Variants in FAM133A observed in about 807,000 individuals in gnomAD.
FAM133A encodes protein FAM133A.
For synonymous variants in FAM133A, 65 were observed against 58.6 expected (o/e 1.11, Z -0.50); for missense variants, 159 against 164.4 (o/e 0.97, Z 0.18).
At chrX:93,690,938 T>G (rs1191254954) in intron 2 of FAM133A, among the ~76,000 whole-genome samples, 1 of 111,951 alleles carries the variant, frequency 8.9e-6, no homozygotes, top group Non-Finnish European at 1.9e-5. Context: ...TAGTAGTTTC[T>G]TGTTGGACTT....
rs1927316349 is a variant in FAM133A at position 93,709,952 on chromosome X, A to C, written c.533A>C (p.Lys178Thr). The change falls in exon 4 of 4, where the codon AAA becomes ACA. Residue 178 changes from lysine (K) to threonine (T), a missense_variant. Lys to Thr is a moderately conservative substitution (Grantham distance 78, BLOSUM62 -1). Transcript: ENST00000683942. ...EKEKDVRSLS[K>T]KRKKSYPDDK... ...GAAAAGGATGTAAGAAGCCTCAGCA[A>C]AAAAAGAAAGAAAAGTTACCCTGAT... 8.4e-7 allele frequency: 1 copy of C among 1,186,942 alleles called. No individual in the cohort carries two copies. The highest frequency in any genetic ancestry group is 1.8e-5 in the African/African-American group (1 of 55,361).
chrX:93,674,743 T>C lies in FAM133A; in HGVS notation c.-202T>C, dbSNP rs1924546893. On this transcript the variant is annotated 5_prime_UTR_variant, in exon 2 of 4. Coordinates refer to ENST00000683942, the MANE Select transcript of FAM133A (RefSeq NM_001171109.2). ...AATAAAAAAGACGAGTATTTACTTT[T>C]CATTGAAAGGTAAGGATCATATTTA... 8.9e-6 allele frequency: 1 copy of C among 111,954 alleles called. No individual in the cohort carries two copies. The highest frequency in any genetic ancestry group is 9.5e-5 in the Admixed American group (1 of 10,528). The allele number at this position is 111,954 out of a possible 1,213,427, so 9.2% of individuals were successfully genotyped here.
In FAM133A at chrX:93,711,993, T is replaced by C; in HGVS notation, c.*1827T>C. 8.1e-6 allele frequency: 1 copy of C among 123,355 alleles called. No individual in the cohort carries two copies. Among genetic ancestry groups the C allele is most frequent in the East Asian group, 2.8e-4 (1 of 3,543 alleles). 10.2% of individuals were successfully genotyped at this position (123,355 alleles called of 1,213,427 possible). A position where few individuals can be genotyped will look rare whatever the true frequency, so the allele number is the denominator to read the frequency against. ...CTCCTGTTCACTTCCAAACCTCTTG[T>C]AGTTAGGCAATGCCATTTGACTACT... On this transcript the variant is annotated 3_prime_UTR_variant, in exon 4 of 4. Coordinates refer to ENST00000683942, the MANE Select transcript of FAM133A (RefSeq NM_001171109.2).
chrX:93,691,056 C>T (rs774439279), intron 2 of FAM133A, among the ~76,000 whole-genome samples: 10 of 111,631 alleles, frequency 9.0e-5, no homozygotes, highest in Admixed American at 1.9e-4. Context: ...AAGAGTTTTT[C>T]AAATATTCTG....
At chrX:93,703,289 G>A (rs1164804795) in intron 3 of FAM133A, among the ~76,000 whole-genome samples, 1 of 111,936 alleles carries the variant, frequency 8.9e-6, no homozygotes, top group Non-Finnish European at 1.9e-5. Flanking sequence ...CTCTGCCACA[G>A]TTCAGAGGAG....
At chrX:93,703,525 T>C (rs985357529) in intron 3 of FAM133A, among the ~76,000 whole-genome samples, 3 of 112,192 alleles carry the variant, frequency 2.7e-5, no homozygotes, top group African/African-American at 9.7e-5. Flanking sequence ...CTGTACAGTA[T>C]TTGCAAATTT....
intron 3 of FAM133A, among the ~76,000 whole-genome samples, chrX:93,704,188 C>G (rs1470048410): frequency 1.8e-5 from 2 of 111,685 alleles, no homozygotes; most frequent in African/African-American, 3.2e-5. Context: ...CTTTATTTTT[C>G]ATTTGTCCTG....
In FAM133A at chrX:93,710,032, C is replaced by G. The variant is rs2147677642; in HGVS notation, c.613C>G (p.Gln205Glu). The G allele has an allele frequency of 8.3e-7, 1 of 1,203,638 alleles. No individual in the cohort carries two copies. The highest frequency in any genetic ancestry group is 3.0e-5 in the East Asian group (1 of 33,418). The stretch of plus-strand genomic sequence containing the variant: ...TGAATCAGATTATGAAGAGGATGTG[C>G]AAGCAAAAAAGAAGAGAAGGTGTGA... ...SSESDYEEDV[Q>E]AKKKRRCEER... Residue 205 changes from glutamine (Q) to glutamate (E), a missense_variant, in exon 4 of 4, where the codon CAA (glutamine) becomes GAA (glutamate). Coordinates refer to ENST00000683942, the MANE Select transcript of FAM133A (RefSeq NM_001171109.2).
chrX:93,686,240 G>C (rs1925522471), intron 2 of FAM133A, among the ~76,000 whole-genome samples: 1 of 109,619 alleles, frequency 9.1e-6, no homozygotes, highest in Non-Finnish European at 1.9e-5. Flanking sequence ...CATCAGTTTT[G>C]AAGATTTAAA....
chrX:93,707,472 T>C (rs113188831), intron 3 of FAM133A, among the ~76,000 whole-genome samples: 8,234 of 110,991 alleles, frequency 0.074, 706 homozygotes, highest in African/African-American at 0.24. Context: ...CTCTTCTATA[T>C]AAAAGACTTT....
intron 2 of FAM133A, among the ~76,000 whole-genome samples, chrX:93,693,464 C>T (rs982130181): frequency 2.7e-5 from 3 of 111,035 alleles, no homozygotes; most frequent in African/African-American, 9.8e-5. Flanking sequence ...ATCCTTGTGA[C>T]AGCATGATAA....
chrX:93,684,804 ATTGT>A (rs753409775), intron 2 of FAM133A, among the ~76,000 whole-genome samples: 2 of 112,152 alleles, frequency 1.8e-5, no homozygotes, highest in East Asian at 2.8e-4. Context: ...AATGAATAAC[ATTGT>A]TTGTTTAAAT....
At chrX:93,691,993 T>A (rs1206282835) in intron 2 of FAM133A, among the ~76,000 whole-genome samples, 1 of 111,290 alleles carries the variant, frequency 9.0e-6, no homozygotes, top group African/African-American at 3.3e-5. Flanking sequence ...GATGGAGGTA[T>A]GTTTTTGGTT....
At chrX:93,692,652 A>G (rs1186240185) in intron 2 of FAM133A, among the ~76,000 whole-genome samples, 2 of 111,472 alleles carry the variant, frequency 1.8e-5, no homozygotes, top group East Asian at 5.6e-4. Context: ...ATAAATCATC[A>G]TTGCTTCCCT....
intron 2 of FAM133A, among the ~76,000 whole-genome samples, chrX:93,677,593 C>A (rs1385897679): frequency 1.8e-5 from 2 of 111,782 alleles, no homozygotes; most frequent in Non-Finnish European, 3.8e-5. Flanking sequence ...TGAATCCCTC[C>A]TCTTGTCCCT....
In FAM133A at chrX:93,711,249, A is replaced by G. The variant is rs993276088; in HGVS notation, c.*1083A>G. ...GGTTACTGTACGCAAGTTGAGTGCC[A>G]GACCTCTAGTACGCCGTATGTTACA... On this transcript the variant is annotated 3_prime_UTR_variant, in exon 4 of 4. Transcript: ENST00000683942. 1 of 122,822 alleles carries G rather than the reference A, an allele frequency of 8.1e-6. No homozygotes were observed. The highest frequency in any genetic ancestry group is 3.3e-5 in the African/African-American group (1 of 30,723). The allele number at this position is 122,822 out of a possible 1,213,427, so 10.1% of individuals were successfully genotyped here. A position where few individuals can be genotyped will look rare whatever the true frequency, so the allele number is the denominator to read the frequency against.
chrX:93,699,651 G>A (rs911701342), intron 3 of FAM133A, among the ~76,000 whole-genome samples: 1 of 110,607 alleles, frequency 9.0e-6, no homozygotes, highest in Non-Finnish European at 1.9e-5. Context: ...CTATATACCC[G>A]CAATCTAGAG....
chrX:93,708,679 T>A (rs1927209565), intron 3 of FAM133A, among the ~76,000 whole-genome samples: 1 of 112,233 alleles, frequency 8.9e-6, no homozygotes, highest in African/African-American at 3.2e-5. Context: ...GATAATCCAT[T>A]GCAAACACTA....
At position 93,709,756 on chromosome X, in the gene FAM133A, T is replaced by C. The variant is rs770054588; in HGVS notation, c.337T>C (p.Ser113Pro). 1 of 1,195,937 alleles carries C rather than the reference T, an allele frequency of 8.4e-7. No individual in the cohort carries two copies. Among genetic ancestry groups the C allele is most frequent in the East Asian group, 3.0e-5 (1 of 33,528 alleles). ...RSSSSSSSSD[S>P]SSSSSDSEDE... ...TTCATCTTCTTCATCAAGCTCTGAT[T>C]CTTCAAGCAGTTCTTCAGATTCTGA... The change falls in exon 4 of 4, where the codon TCT becomes CCT. Residue 113 changes from serine to proline, a missense_variant. Coordinates refer to ENST00000683942, the MANE Select transcript of FAM133A (RefSeq NM_001171109.2).
Sources: allele counts gnomAD v4.1 joint callset (sites outside exome capture counted in the v4.1 genomes callset), GRCh38; gene constraint gnomAD v4.1.1; transcripts MANE v1.5; gene names NCBI Gene and HGNC (gene_info 2026-07-23, HGNC 2026-07-21).